Variants in NBEAL1 observed in about 807,000 individuals in gnomAD.
The protein encoded by NBEAL1 is neurobeachin-like protein 1.
A neutral mutation model predicts 351.3 loss-of-function variants in NBEAL1; 273 were observed. The ratio of observed to expected loss-of-function variants is 0.78; its 90% CI spans 0.70 to 0.86. NBEAL1 has a LOEUF of 0.86. Among genes scored for constraint, NBEAL1 ranks in the 40% least tolerant of loss-of-function variants. The pLI is 0.00. For synonymous variants in NBEAL1, 1,050 were observed against 1,086.4 expected, an observed-to-expected ratio of 0.97 and a Z score of 0.66; for missense variants, 2,961 against 3,201.3, an observed-to-expected ratio of 0.92 and a Z score of 1.81.
intron 29 of NBEAL1, among the ~76,000 whole-genome samples, chr2:203,137,314 C>T (rs2063238799): frequency 6.6e-6 from 1 of 152,164 alleles, no homozygotes; most frequent in Non-Finnish European, 1.5e-5. Context: ...ATTGTTAAAA[C>T]ATATCGTTAA....
chr2:203,153,643 A>G (rs1006145411), intron 35 of NBEAL1, among the ~76,000 whole-genome samples: 6 of 152,164 alleles, frequency 3.9e-5, no homozygotes, highest in South Asian at 2.1e-4. Flanking sequence ...TTACATAGCA[A>G]TAGCCAGTTG....
Position 203,016,448 on chromosome 2 carries a change from CTTTTTA to C in NBEAL1, c.51+21_51+26del, listed in dbSNP as rs2060681677. On this transcript the variant is annotated intron_variant, in intron 2 of 55. Coordinates refer to ENST00000683969, the MANE Select transcript of NBEAL1 (RefSeq NM_001378026.1). ...TTATTGTACAAAGGTAATTGCTTTCCTTTTTATTTTTATGTTTTAAAATACTTTATT... is the reference window on the plus strand; with the variant it reads ...TTATTGTACAAAGGTAATTGCTTTCCTTTTTATGTTTTAAAATACTTTATT... 1 of 1,415,604 alleles carries C rather than the reference CTTTTTA, an allele frequency of 7.1e-7. No homozygotes were observed. Among genetic ancestry groups the C allele is most frequent in the African/African-American group, 1.4e-5 (1 of 70,142 alleles). 87.7% of individuals were successfully genotyped at this position (1,415,604 alleles called of 1,614,324 possible). A position where few individuals can be genotyped will look rare whatever the true frequency, so the allele number is the denominator to read the frequency against.
intron 4 of NBEAL1, among the ~76,000 whole-genome samples, chr2:203,050,767 G>T (rs751861055): frequency 7.9e-5 from 12 of 152,064 alleles, no homozygotes; most frequent in Non-Finnish European, 1.3e-4. Flanking sequence ...GTTTCAAAAG[G>T]GCTCAAAATC....
chr2:203,088,214 A>G (rs78045517), intron 10 of NBEAL1, among the ~76,000 whole-genome samples: 2,675 of 152,312 alleles, frequency 0.018, 72 homozygotes, highest in East Asian at 0.089. Flanking sequence ...TTAAATTATT[A>G]TGATATATAT....
chr2:203,200,203 C>T lies in NBEAL1; in HGVS notation c.7238+756C>T, dbSNP rs111845986. 3.0e-3 allele frequency among the ~76,000 whole-genome samples: 458 copies of T among 152,270 alleles called. 2 individuals are homozygous for T. Among genetic ancestry groups the T allele is most frequent in the African/African-American group, 0.01 (424 of 41,554 alleles). On this transcript the variant is annotated intron_variant, in intron 49 of 55. Coordinates refer to ENST00000683969, the MANE Select transcript of NBEAL1 (RefSeq NM_001378026.1). ...GACCAGCCTGGCCAACATGGCAAAA[C>T]CCCGTCTCTACTAAAAATACAAAAA...
chr2:203,151,698 G>T (rs1466348618), intron 35 of NBEAL1, 109 bp downstream of exon 35: 2 of 1,058,172 alleles, frequency 1.9e-6, no homozygotes, highest in South Asian at 2.6e-5. Flanking sequence ...AAGGAAGGGT[G>T]GCATTTTATA....
intron 47 of NBEAL1, among the ~76,000 whole-genome samples, chr2:203,194,300 G>A (rs1237126369): frequency 1.3e-5 from 2 of 152,156 alleles, no homozygotes; most frequent in African/African-American, 4.8e-5. Flanking sequence ...GATAGAATGA[G>A]TAGTCTAGTA....
At chr2:203,079,329 A>C (rs1450709188) in intron 8 of NBEAL1, among the ~76,000 whole-genome samples, 1 of 152,140 alleles carries the variant, frequency 6.6e-6, no homozygotes, top group Admixed American at 6.6e-5. Context: ...CAACCTGCCC[A>C]CTTCAGACTC....
chr2:203,220,173 C>T lies in NBEAL1; in HGVS notation c.*2819C>T, dbSNP rs939886938. Among the ~76,000 whole-genome samples the T allele has an allele frequency of 1.3e-5, 2 of 152,084 alleles. No homozygotes were observed. The highest frequency in any genetic ancestry group is 6.6e-5 in the Admixed American group (1 of 15,266). On this transcript the variant is annotated 3_prime_UTR_variant, in exon 56 of 56. Coordinates refer to ENST00000683969, the MANE Select transcript of NBEAL1 (RefSeq NM_001378026.1). ...ACATTTCAATTGGTGAATATAGTATCTCAAGTTGGCTCTTACAAAGTCTGT... is the reference window on the plus strand; with the variant it reads ...ACATTTCAATTGGTGAATATAGTATTTCAAGTTGGCTCTTACAAAGTCTGT...
At chr2:203,076,172 G>A (rs925595683) in intron 7 of NBEAL1, among the ~76,000 whole-genome samples, 36 of 152,118 alleles carry the variant, frequency 2.4e-4, no homozygotes, top group African/African-American at 8.4e-4. Flanking sequence ...AATTAGGCAG[G>A]TGTATCTGTT....
intron 29 of NBEAL1, 102 bp from the exon 30 acceptor site, chr2:203,138,060 A>C: frequency 6.9e-6 from 7 of 1,011,384 alleles, no homozygotes; most frequent in Middle Eastern, 3.0e-4. Context: ...GTATATCTTT[A>C]GAGATACAGT....
intron 11 of NBEAL1, among the ~76,000 whole-genome samples, chr2:203,099,156 A>G (rs1453358797): frequency 1.3e-5 from 2 of 151,962 alleles, no homozygotes; most frequent in African/African-American, 2.4e-5. Context: ...CATGCCTGTA[A>G]TCTCAGCTAC....
chr2:203,138,432 A>G lies in NBEAL1; in HGVS notation c.4719+117A>G. ...GCTTAATCAGATTCAATAAACAAGG[A>G]TAAGATGTGATGAATAGTCACAGAT... On this transcript the variant is annotated intron_variant, in intron 30 of 55. Transcript: ENST00000683969. 5.5e-6 allele frequency: 6 copies of G among 1,095,156 alleles called. No individual in the cohort carries two copies. The East Asian group carries it at 7.6e-5, about 14-fold the overall frequency. 67.8% of individuals were successfully genotyped at this position (1,095,156 alleles called of 1,614,324 possible).
intron 42 of NBEAL1, among the ~76,000 whole-genome samples, chr2:203,175,723 G>T (rs997495972): frequency 6.6e-6 from 1 of 152,078 alleles, no homozygotes; most frequent in Non-Finnish European, 1.5e-5. Context: ...TTACACTGTG[G>T]GTATTATAAC....
intron 6 of NBEAL1, among the ~76,000 whole-genome samples, chr2:203,068,061 G>T (rs1036022962): frequency 2.6e-5 from 4 of 152,168 alleles, no homozygotes; most frequent in African/African-American, 9.7e-5. Flanking sequence ...GTAATAATAT[G>T]CTACTAATCT....
chr2:203,166,705 C>G (rs1388357085), intron 37 of NBEAL1, among the ~76,000 whole-genome samples: 1 of 151,900 alleles, frequency 6.6e-6, no homozygotes, highest in Non-Finnish European at 1.5e-5. Flanking sequence ...TGCCACCACG[C>G]CCAGCTAATT....
chr2:203,097,782 A>G (rs553897568), intron 11 of NBEAL1, 149 bp downstream of exon 11: 17 of 193,844 alleles, frequency 8.8e-5, no homozygotes, highest in African/African-American at 3.8e-4. Context: ...ATTACTAAAA[A>G]GTTAAAAATT....
chr2:203,210,362 CAA>C (rs35856692), intron 53 of NBEAL1, among the ~76,000 whole-genome samples: 19 of 100,446 alleles, frequency 1.9e-4, no homozygotes, highest in Admixed American at 2.2e-4. Flanking sequence ...GACATGGCCT[CAA>C]AAAAAAAAAA....
intron 6 of NBEAL1, among the ~76,000 whole-genome samples, chr2:203,059,904 T>C (rs145215975): frequency 1.1e-4 from 17 of 152,230 alleles, no homozygotes; most frequent in Non-Finnish European, 1.9e-4. Flanking sequence ...GCCTTTATAC[T>C]CATTAGCACT....
Sources: allele counts gnomAD v4.1 joint callset (sites outside exome capture counted in the v4.1 genomes callset), GRCh38; gene constraint gnomAD v4.1.1; transcripts MANE v1.5; gene names NCBI Gene and HGNC (gene_info 2026-07-23, HGNC 2026-07-21).